The following SYTL4 variants were observed in gnomAD, a reference collection of about 807,000 sequenced individuals.
SYTL4 encodes the protein synaptotagmin-like protein 4.
A neutral mutation model predicts 52.7 loss-of-function variants in SYTL4; 16 were observed. The ratio of observed to expected loss-of-function variants is 0.30; its 90% confidence interval spans 0.21 to 0.46. SYTL4 has a LOEUF of 0.46. Ranked by LOEUF, SYTL4 falls within the 20% of genes least tolerant of loss-of-function variation. SYTL4 has a pLI of 1.00. For synonymous variants in SYTL4, 160 were observed against 186.6 expected (o/e 0.86, Z 1.16); for missense variants, 423 against 519.9 (o/e 0.81, Z 1.81).
intron 3 of SYTL4, among the ~76,000 whole-genome samples, chrX:100,703,680 A>G (rs2083901079): frequency 8.9e-6 from 1 of 112,673 alleles, no homozygotes; most frequent in South Asian, 3.6e-4. Flanking sequence ...CTGCAACATT[A>G]TTTGTAAGAA....
chrX:100,713,624 G>GGA (rs1463022993), intron 2 of SYTL4, among the ~76,000 whole-genome samples: 1,315 of 101,722 alleles, frequency 0.013, 25 homozygotes, highest in African/African-American at 0.045. Flanking sequence ...TCAAAAGGGG[G>GGA]AAAAAAAAAA....
intron 13 of SYTL4, 64 bp downstream of exon 13, chrX:100,688,287 G>A (rs751831659): frequency 2.1e-6 from 2 of 963,259 alleles, no homozygotes; most frequent in Non-Finnish European, 3.0e-6. Context: ...TCTGCTCTAG[G>A]GAGGTGCTTC....
chrX:100,701,877 G>T (rs1309157650), intron 5 of SYTL4, 51 bp downstream of exon 5: 3 of 1,002,498 alleles, frequency 3.0e-6, no homozygotes, highest in Admixed American at 4.9e-5. Flanking sequence ...GAAAAGCCCA[G>T]ACATCATTGG....
intron 16 of SYTL4, among the ~76,000 whole-genome samples, chrX:100,683,571 T>A (rs2147692072): frequency 9.0e-6 from 1 of 111,093 alleles, no homozygotes; most frequent in African/African-American, 3.3e-5. Context: ...GACAAAAGAA[T>A]CGGGAGGTAG....
chrX:100,716,692 G>A (rs1351862465), intron 2 of SYTL4, among the ~76,000 whole-genome samples: 1 of 109,945 alleles, frequency 9.1e-6, no homozygotes. Context: ...ACATTTGCAT[G>A]AGCATACAAC....
At chrX:100,719,800 C>A (rs915384535) in intron 2 of SYTL4, among the ~76,000 whole-genome samples, 3 of 111,827 alleles carry the variant, frequency 2.7e-5, no homozygotes, top group Non-Finnish European at 5.6e-5. Flanking sequence ...ACATAGCTAC[C>A]TTTCAATACC....
At chrX:100,721,459 C>T (rs141834694) in intron 2 of SYTL4, among the ~76,000 whole-genome samples, 2,205 of 112,143 alleles carry the variant, frequency 0.02, 57 homozygotes, top group African/African-American at 0.068. Flanking sequence ...TTGTTCATTT[C>T]TGTACCTTTG....
chrX:100,705,103 C>T (rs910653035), intron 2 of SYTL4, among the ~76,000 whole-genome samples: 2 of 111,948 alleles, frequency 1.8e-5, no homozygotes, highest in African/African-American at 6.5e-5. Flanking sequence ...CTTTTTCAAT[C>T]TTCTCCTCTG....
intron 16 of SYTL4, among the ~76,000 whole-genome samples, chrX:100,682,365 G>T (rs1490614970): frequency 9.1e-6 from 1 of 109,657 alleles, no homozygotes; most frequent in Non-Finnish European, 1.9e-5. Context: ...AAAATACAAA[G>T]TATTTTTACA....
At chrX:100,718,190 G>A (rs1472254776) in intron 2 of SYTL4, among the ~76,000 whole-genome samples, 1 of 111,342 alleles carries the variant, frequency 9.0e-6, no homozygotes, top group African/African-American at 3.3e-5. Flanking sequence ...GAAAATATAT[G>A]AGCATATGGC....
At chrX:100,699,354 C>T (rs764766957) in intron 8 of SYTL4, among the ~76,000 whole-genome samples, 15 of 90,479 alleles carry the variant, frequency 1.7e-4, no homozygotes, top group African/African-American at 5.2e-4. Flanking sequence ...GCAACAAGAG[C>T]GAAACTCCGT....
In SYTL4 at chrX:100,678,447, C is replaced by A; in HGVS notation, c.1811G>T (p.Arg604Leu). Residue 604 changes from arginine (R) to leucine (L), a missense_variant, in exon 19 of 20, where the codon CGG becomes CTG. Transcript: ENST00000372989. Reference protein sequence around the residue: ...HMCLELTVWDREPLASNDFLG... With the variant: ...HMCLELTVWDLEPLASNDFLG... ...GAAGTCATTGCTGGCCAGGGGCTCC[C>A]GGTCCCACACAGTCAGTTCCAGGCA... 8.3e-7 allele frequency: 1 copy of A among 1,211,271 alleles called. No homozygotes were observed. Among genetic ancestry groups the A allele is most frequent in the Non-Finnish European group, 1.1e-6 (1 of 895,220 alleles).
chrX:100,702,707 G>A (rs761183856), intron 4 of SYTL4, among the ~76,000 whole-genome samples: 6 of 112,459 alleles, frequency 5.3e-5, no homozygotes, highest in Non-Finnish European at 9.4e-5. Flanking sequence ...TGAGCACTAC[G>A]CTGACAGGCA....
At chrX:100,701,814 G>C in intron 5 of SYTL4, 114 bp downstream of exon 5, 1 of 792,986 alleles carries the variant, frequency 1.3e-6, no homozygotes, top group Non-Finnish European at 1.8e-6. Context: ...CCAATAAGTA[G>C]TGGTAAACAT....
intron 2 of SYTL4, among the ~76,000 whole-genome samples, chrX:100,714,322 C>T (rs57273973): frequency 0.093 from 9,867 of 106,563 alleles, 1,193 homozygotes; most frequent in African/African-American, 0.32. Flanking sequence ...TGCAGTGGCA[C>T]GATCTTGGCT....
At chrX:100,726,600 A>G (rs1423898354) in intron 2 of SYTL4, among the ~76,000 whole-genome samples, 1 of 106,159 alleles carries the variant, frequency 9.4e-6, no homozygotes, top group Non-Finnish European at 2.0e-5. Context: ...CCACCCTCTG[A>G]CTTTCTCGGG....
Position 100,681,124 on chromosome X carries a change from C to T in SYTL4, c.1558+103G>A, listed in dbSNP as rs1393953744. 10 of 643,108 alleles carry T rather than the reference C, an allele frequency of 1.6e-5. No individual in the cohort carries two copies. In the Admixed American group the frequency reaches 2.7e-4, roughly 18 times the overall value. 53.0% of individuals were successfully genotyped at this position (643,108 alleles called of 1,213,427 possible). A position where few individuals can be genotyped will look rare whatever the true frequency, so the allele number is the denominator to read the frequency against. On this transcript the variant is annotated intron_variant, in intron 17 of 19. Transcript: ENST00000372989. ...CTCCCTAGCAGATCCAGGGAGCATC[C>T]CAATTTGGTCTCTCCAACAGTGCTA...
chrX:100,731,824 C>T (rs2084654278), intron 1 of SYTL4, among the ~76,000 whole-genome samples, 180 bp downstream of exon 1: 2 of 110,388 alleles, frequency 1.8e-5, no homozygotes, highest in South Asian at 4.0e-4. Context: ...GAGAGGCGGA[C>T]GGGGAGAGGG....
chrX:100,686,117 G>A lies in SYTL4; in HGVS notation c.1322C>T (p.Thr441Ile), dbSNP rs1044441937. The A allele has an allele frequency of 1.4e-5, 17 of 1,208,450 alleles. No homozygotes were observed. The highest frequency in any genetic ancestry group is 1.9e-5 in the Non-Finnish European group (17 of 894,506). ...EIPESLLAQR[T>I]LQFSVWHHGR... ...ATGATGCCAAACTGAGAACTGCAGGGTCCTCTGGGCCAGGAGAGATTCTGG... is the reference window on the plus strand; with the variant it reads ...ATGATGCCAAACTGAGAACTGCAGGATCCTCTGGGCCAGGAGAGATTCTGG... The change falls in exon 16 of 20, where the codon ACC becomes ATC. Residue 441 changes from threonine (T) to isoleucine (I), a missense_variant. By Grantham distance (89) the Thr-to-Ile change is moderately conservative. Transcript: ENST00000372989.
Sources: gnomAD v4.1 joint callset for allele counts (sites outside exome capture counted in the v4.1 genomes callset) on GRCh38, gnomAD v4.1.1 for gene constraint, MANE v1.5 for transcripts, NCBI Gene and HGNC (gene_info 2026-07-23, HGNC 2026-07-21) for gene names.